Variants in RNFT2 observed in about 807,000 individuals in gnomAD.
RNFT2 encodes ring finger protein, transmembrane 2.
In RNFT2, 36 loss-of-function variants were observed where a neutral mutation model predicts 53.0. The ratio of observed to expected loss-of-function variants is 0.68; its 90% CI spans 0.52 to 0.90. The LOEUF is 0.90. Among genes scored for constraint, RNFT2 ranks in the 40% least tolerant of loss-of-function variants. RNFT2 has a pLI of 0.00. For synonymous variants in RNFT2, 260 were observed against 253.2 expected, an observed-to-expected ratio of 1.03 and a Z score of -0.26; for missense variants, 514 against 585.6, an observed-to-expected ratio of 0.88 and a Z score of 1.26.
chr12:116,834,962 G>A (rs1042325516), intron 8 of RNFT2, among the ~76,000 whole-genome samples: 2 of 150,664 alleles, frequency 1.3e-5, no homozygotes, highest in Non-Finnish European at 2.9e-5. Flanking sequence ...CGATTCTCAT[G>A]TCTCAGCCTC....
rs181481118 is a variant in RNFT2, at chr12:116,741,888, C to T, written c.83+794C>T. On this transcript the variant is annotated intron_variant, in intron 3 of 10. Coordinates refer to ENST00000257575, the MANE Select transcript of RNFT2 (RefSeq NM_001382266.1). ...CTGGCCTCAAACTCCTGGGCTCAAG[C>T]GATCTTCCTACCTTGATCTCTCAAA... 1.1e-4 allele frequency among the ~76,000 whole-genome samples: 17 copies of T among 152,204 alleles called. No homozygotes were observed. In the East Asian group the frequency reaches 1.2e-3, roughly 10 times the overall value.
chr12:116,785,566 A>C (rs559908216), intron 7 of RNFT2, among the ~76,000 whole-genome samples: 1 of 152,168 alleles, frequency 6.6e-6, no homozygotes, highest in South Asian at 2.1e-4. Context: ...TACTTGTGTA[A>C]TTATTACATT....
chr12:116,836,950 A>C (rs188916813), intron 10 of RNFT2, among the ~76,000 whole-genome samples: 1 of 152,098 alleles, frequency 6.6e-6, no homozygotes, highest in African/African-American at 2.4e-5. Flanking sequence ...AAAAGGACAT[A>C]ATAATAACAG....
chr12:116,754,310 A>G (rs1438443552), intron 5 of RNFT2, among the ~76,000 whole-genome samples: 1 of 152,052 alleles, frequency 6.6e-6, no homozygotes, highest in African/African-American at 2.4e-5. Flanking sequence ...ATTCCTTTTT[A>G]TGGCTGTGTA....
At chr12:116,760,853 G>A (rs951569287) in intron 5 of RNFT2, among the ~76,000 whole-genome samples, 3 of 152,124 alleles carry the variant, frequency 2.0e-5, no homozygotes, top group East Asian at 3.9e-4. Context: ...CCTCCCATCC[G>A]CCATGATCTC....
Position 116,750,279 on chromosome 12 carries a change from G to A in RNFT2, c.522G>A (p.Leu174=). 2.5e-6 allele frequency: 4 copies of A among 1,604,954 alleles called. No homozygotes were observed. The South Asian group carries it at 4.4e-5, about 18-fold the overall frequency. Residue 174 remains leucine (L), a synonymous_variant, in exon 4 of 11, where the codon CTG becomes CTA. Coordinates refer to ENST00000257575, the MANE Select transcript of RNFT2 (RefSeq NM_001382266.1). ...QKGLPFILIL[L]AKLCFQHKLG... ...GACTCCCCTTCATCCTGATCCTCCT[G>A]GCCAAACTGTGCTTTCAGCATAAGC...
chr12:116,795,606 G>C (rs1193406202), intron 7 of RNFT2, among the ~76,000 whole-genome samples: 2 of 152,166 alleles, frequency 1.3e-5, no homozygotes, highest in Non-Finnish European at 2.9e-5. Context: ...GGCTACTAGG[G>C]TAGACAATGT....
At chr12:116,844,931 G>T (rs1227680800) in intron 10 of RNFT2, among the ~76,000 whole-genome samples, 1 of 151,942 alleles carries the variant, frequency 6.6e-6, no homozygotes, top group East Asian at 1.9e-4. Flanking sequence ...ATAAAACCAG[G>T]TTCTGCCCTC....
At chr12:116,829,740 C>A (rs140247334) in intron 7 of RNFT2, among the ~76,000 whole-genome samples, 2 of 152,088 alleles carry the variant, frequency 1.3e-5, no homozygotes, top group Non-Finnish European at 2.9e-5. Flanking sequence ...CCACCATACC[C>A]GGCTATTTTT....
At chr12:116,833,705 C>A in intron 7 of RNFT2, 87 bp from the exon 8 acceptor site, 1 of 1,366,852 alleles carries the variant, frequency 7.3e-7, no homozygotes, top group South Asian at 1.2e-5. Context: ...CCTAGAATGT[C>A]ATCACTGCCC....
chr12:116,761,231 C>T (rs1428917191), intron 5 of RNFT2, among the ~76,000 whole-genome samples: 7 of 152,180 alleles, frequency 4.6e-5, no homozygotes, highest in Admixed American at 4.6e-4. Flanking sequence ...GCACTGTAAC[C>T]TCTGCCTCCC....
chr12:116,822,900 G>A (rs191965403), intron 7 of RNFT2, among the ~76,000 whole-genome samples: 5 of 152,324 alleles, frequency 3.3e-5, no homozygotes, highest in African/African-American at 9.6e-5. Flanking sequence ...GGGAGGCTGA[G>A]GCACGAGAAT....
intron 3 of RNFT2, among the ~76,000 whole-genome samples, chr12:116,742,017 G>C (rs1296985556): frequency 6.6e-6 from 1 of 152,150 alleles, no homozygotes; most frequent in Non-Finnish European, 1.5e-5. Flanking sequence ...ACAACACGGA[G>C]AGGCTAATGA....
chr12:116,793,059 A>G (rs1874330432), intron 7 of RNFT2, among the ~76,000 whole-genome samples: 1 of 152,054 alleles, frequency 6.6e-6, no homozygotes, highest in South Asian at 2.1e-4. Flanking sequence ...TCTGTCAGGA[A>G]TCCTCATACC....
At chr12:116,774,305 ATGTG>A (rs1453560084) in intron 6 of RNFT2, among the ~76,000 whole-genome samples, 1 of 152,198 alleles carries the variant, frequency 6.6e-6, no homozygotes. Context: ...CTTTTATGTT[ATGTG>A]TGTTTTACCA....
chr12:116,784,807 C>T (rs1375150381), intron 7 of RNFT2, among the ~76,000 whole-genome samples: 1 of 152,196 alleles, frequency 6.6e-6, no homozygotes, highest in Non-Finnish European at 1.5e-5. Flanking sequence ...CCCTAGTGCT[C>T]GCCACCATGA....
intron 7 of RNFT2, among the ~76,000 whole-genome samples, chr12:116,805,839 C>T (rs1350045075): frequency 1.3e-5 from 2 of 152,170 alleles, no homozygotes; most frequent in Admixed American, 6.5e-5. Flanking sequence ...GTTCTTACAG[C>T]CCTTCAGCTG....
At chr12:116,831,879 A>G (rs80075462) in intron 7 of RNFT2, among the ~76,000 whole-genome samples, 1,906 of 151,948 alleles carry the variant, frequency 0.013, 31 homozygotes, top group African/African-American at 0.043. Flanking sequence ...AGTAATTCCA[A>G]CACTTCAGGA....
chr12:116,803,078 G>GTTTA lies in RNFT2; in HGVS notation c.882+23730_882+23731insTTTA, dbSNP rs1565864941. ...CCACTGCACCCCAGCCTGGGCAACA[G>GTTTA]AGCAAGACCCTGTCTTAAAAAAAAA... is the stretch of plus-strand genomic sequence containing the variant. On this transcript the variant is annotated intron_variant, in intron 7 of 10. Transcript: ENST00000257575. Among the ~76,000 whole-genome samples, 737 of 144,330 alleles carry GTTTA rather than the reference G, an allele frequency of 5.1e-3. 5 individuals are homozygous for GTTTA. The highest frequency in any genetic ancestry group is 0.017 in the African/African-American group (688 of 39,788). The allele number at this position is 144,330 out of a possible 152,430, so 94.7% of individuals were successfully genotyped here.
Sources: gnomAD v4.1 joint callset for allele counts (sites outside exome capture counted in the v4.1 genomes callset) on GRCh38, gnomAD v4.1.1 for gene constraint, MANE v1.5 for transcripts, NCBI Gene and HGNC (gene_info 2026-07-23, HGNC 2026-07-21) for gene names.